NPC2: variants seen among roughly 807,000 people sequenced by gnomAD.
The protein encoded by NPC2 is NPC intracellular cholesterol transporter 2.
NPC2 carries 14 observed loss-of-function variants against 17.0 expected under a neutral mutation model. The observed-to-expected ratio is 0.82, with a 90% CI of 0.54 to 1.29. NPC2 has a LOEUF of 1.29. Among genes scored for constraint, NPC2 ranks in the 50% most tolerant of loss-of-function variants. The pLI is 0.00. For missense variants in NPC2, 167 were observed against 183.4 expected (o/e 0.91, Z 0.52); for synonymous variants, 75 against 69.3 (o/e 1.08, Z -0.41).
At position 74,493,233 on chromosome 14, in the gene NPC2, G is replaced by A; in HGVS notation, c.42C>T (p.Ser14=). 12 of 1,613,074 alleles carry A rather than the reference G, an allele frequency of 7.4e-6. No individual in the cohort carries two copies. The highest frequency in any genetic ancestry group is 1.0e-5 in the Non-Finnish European group (12 of 1,179,676). Residue 14 remains serine (S), a synonymous_variant, in exon 1 of 5, where the codon AGC becomes AGT. Coordinates refer to ENST00000555619, the MANE Select transcript of NPC2 (RefSeq NM_006432.5). The surrounding 1 kb of genome is among the most constrained non-coding windows in gnomAD (Gnocchi z 4.1). The part of the protein sequence containing the change: ...LAATFLLLAL[S]TAAQAEPVQF... The stretch of plus-strand genomic sequence containing the variant: ...GCACCGGTTCGGCCTGGGCAGCGGT[G>A]CTGAGCGCCAGGAGCAGGAATGTAG...
rs897456892 is a variant in NPC2, at chr14:74,493,137, G to A, written c.82+56C>T. On this transcript the variant is annotated intron_variant, in intron 1 of 4. Transcript: ENST00000555619. This position sits in a 1 kb window ranked among gnomAD's most constrained non-coding sequence, Gnocchi z 4.1. ...CAGCCCCAGGGGTCTCAGCGCGGGG[G>A]TCCGGCGGGGCCTTCCACAGAGGGC... is the stretch of plus-strand genomic sequence containing the variant. 13 of 1,559,798 alleles carry A rather than the reference G, an allele frequency of 8.3e-6. No individual in the cohort carries two copies. In the African/African-American group the frequency reaches 1.6e-4, roughly 19 times the overall value.
rs752134010 is a variant in NPC2, at chr14:74,480,770, C to T, written c.373G>A (p.Val125Met). 3.7e-6 allele frequency: 6 copies of T among 1,613,232 alleles called. No homozygotes were observed. Among genetic ancestry groups the T allele is most frequent in the South Asian group, 3.3e-5 (3 of 91,072 alleles). ...TCATCCTGAAGTTGCCACTCCACCA[C>T]CAGTTTTATCTGGAGAAAGAGAAAA... ...VKSEYPSIKL[V>M]VEWQLQDDKN... The change falls in exon 4 of 5, where the codon GTG becomes ATG. Residue 125 changes from valine (V) to methionine (M), a missense_variant. By Grantham distance (21) the Val-to-Met change is conservative. Transcript: ENST00000555619.
intron 1 of NPC2, among the ~76,000 whole-genome samples, chr14:74,487,263 G>GTTTTT (rs1208707592): frequency 0.02 from 2,695 of 134,410 alleles, 161 homozygotes; most frequent in South Asian, 0.044. Context: ...TTGTTTTTGT[G>GTTTTT]GTTTTTTTTT....
chr14:74,482,497 A>G (rs991522013), intron 3 of NPC2, among the ~76,000 whole-genome samples: 4 of 152,212 alleles, frequency 2.6e-5, no homozygotes, highest in Admixed American at 2.0e-4. Context: ...GGAGGGCAGA[A>G]AGAAGGCTGG....
At chr14:74,482,636 T>C (rs2086666821) in intron 3 of NPC2, among the ~76,000 whole-genome samples, 1 of 152,176 alleles carries the variant, frequency 6.6e-6, no homozygotes. Context: ...ATTTGGTACC[T>C]GGCTAAAATC....
upstream of NPC2, chr14:74,493,481 C>A (rs1566606120): frequency 8.2e-7 from 1 of 1,215,666 alleles, no homozygotes; most frequent in Non-Finnish European, 1.2e-6. The surrounding 1 kb of genome is among the most constrained non-coding windows in gnomAD (Gnocchi z 4.1). Flanking sequence ...TCCGCCCATG[C>A]CATCCCCTCA....
intron 3 of NPC2, among the ~76,000 whole-genome samples, chr14:74,482,325 G>A (rs1237798787): frequency 6.6e-6 from 1 of 152,176 alleles, no homozygotes; most frequent in African/African-American, 2.4e-5. Context: ...AAGAAATGCG[G>A]CTCTTTTTCT....
At chr14:74,481,823 A>G (rs1282065060) in intron 3 of NPC2, among the ~76,000 whole-genome samples, 2 of 152,224 alleles carry the variant, frequency 1.3e-5, no homozygotes, top group Non-Finnish European at 2.9e-5. Flanking sequence ...CCAATTCTTG[A>G]TAACTCACTG....
At chr14:74,482,808 G>A (rs568988112) in intron 3 of NPC2, among the ~76,000 whole-genome samples, 6 of 151,496 alleles carry the variant, frequency 4.0e-5, no homozygotes, top group African/African-American at 1.4e-4. Flanking sequence ...GGATGGTCAT[G>A]AGATCCAAGT....
intron 1 of NPC2, among the ~76,000 whole-genome samples, chr14:74,492,600 CA>C (rs1412351939): frequency 6.6e-6 from 1 of 152,148 alleles, no homozygotes; most frequent in Non-Finnish European, 1.5e-5. Context: ...TTGTATTTTC[CA>C]ACAAAGATTC....
At chr14:74,485,942 T>C (rs968955650) in intron 2 of NPC2, among the ~76,000 whole-genome samples, 3 of 152,224 alleles carry the variant, frequency 2.0e-5, no homozygotes, top group African/African-American at 4.8e-5. Flanking sequence ...AAGGCATTAC[T>C]GCTTAAAACA....
chr14:74,487,281 T>TTTTG lies in NPC2; in HGVS notation c.83-846_83-845insCAAA, dbSNP rs200334588. Among the ~76,000 whole-genome samples, 1,025 of 149,976 alleles carry TTTTG rather than the reference T, an allele frequency of 6.8e-3. 17 individuals are homozygous for TTTTG. The highest frequency in any genetic ancestry group is 0.022 in the African/African-American group (903 of 40,422). ...TTTTTGTGGTTTTTTTTTGTTTTTT[T>TTTTG]TTTTTGAGACAGGGTCTCACTCTGT... On this transcript the variant is annotated intron_variant, in intron 1 of 4. Coordinates refer to ENST00000555619, the MANE Select transcript of NPC2 (RefSeq NM_006432.5).
chr14:74,489,769 C>G (rs1273000400), intron 1 of NPC2, among the ~76,000 whole-genome samples: 1 of 152,214 alleles, frequency 6.6e-6, no homozygotes, highest in Admixed American at 6.5e-5. Context: ...ATTCAGCCAT[C>G]ATTGCTGAGA....
intron 3 of NPC2, 85 bp downstream of exon 3, chr14:74,484,330 C>T: frequency 2.1e-6 from 3 of 1,410,816 alleles, no homozygotes; most frequent in Non-Finnish European, 3.0e-6. Context: ...GGCCCTTTAC[C>T]CCCATCTCTG....
intron 3 of NPC2, chr14:74,482,963 C>G: frequency 1.5e-6 from 1 of 652,134 alleles, no homozygotes; most frequent in Non-Finnish European, 2.9e-6. Flanking sequence ...AGTATTTAAA[C>G]AGACCACATC....
In NPC2 at chr14:74,486,384, T is replaced by G; in HGVS notation, c.135A>C (p.Gln45His). The change falls in exon 2 of 5, where the codon CAA (glutamine) becomes CAC (histidine). Residue 45 changes from glutamine to histidine, a missense_variant. Physicochemically the swap from Gln to His is conservative, Grantham distance 24. Transcript: ENST00000555619. ...ACTGTCCTTTGCTCAGCTGGCAGGG[T>G]TGGGTGGGGCATGGGCTCACATTCA... ...KEVNVSPCPTQPCQLSKGQSY... is the reference protein window; with the variant it reads ...KEVNVSPCPTHPCQLSKGQSY... 1 of 1,606,114 alleles carries G rather than the reference T, an allele frequency of 6.2e-7. No homozygotes were observed. Among genetic ancestry groups the G allele is most frequent in the Non-Finnish European group, 8.5e-7 (1 of 1,176,312 alleles).
In NPC2 at chr14:74,486,438, T is replaced by A. The variant is rs2086713382; in HGVS notation, c.83-2A>T. On this transcript the variant is annotated splice_acceptor_variant, in intron 1 of 4. Coordinates refer to ENST00000555619, the MANE Select transcript of NPC2 (RefSeq NM_006432.5). LOFTEE classifies it high-confidence loss of function. ...CCTTTATAACTCCATCCACAGAACC[T>A]GCAAAAGAAAAATGAATTGGAATAG... 5 of 1,582,516 alleles carry A rather than the reference T, an allele frequency of 3.2e-6. No homozygotes were observed. Among genetic ancestry groups the A allele is most frequent in the Non-Finnish European group, 4.3e-6 (5 of 1,162,612 alleles).
chr14:74,482,096 G>A (rs867717604), intron 3 of NPC2, among the ~76,000 whole-genome samples: 1 of 152,238 alleles, frequency 6.6e-6, no homozygotes, highest in South Asian at 2.1e-4. Context: ...TACCTACTAC[G>A]TATCAGGCTC....
chr14:74,480,867 A>C, intron 3 of NPC2, 88 bp from the exon 4 acceptor site: 2 of 1,093,394 alleles, frequency 1.8e-6, no homozygotes, highest in Non-Finnish European at 2.8e-6. Context: ...CTAGATGTAC[A>C]GTAGCAAACT....
Sources: allele counts gnomAD v4.1 joint callset (sites outside exome capture counted in the v4.1 genomes callset), GRCh38; gene constraint gnomAD v4.1.1; non-coding constraint Gnocchi (gnomAD v3.1); transcripts MANE v1.5; gene names NCBI Gene and HGNC (gene_info 2026-07-23, HGNC 2026-07-21).